CADPS: variants seen among roughly 807,000 people sequenced by gnomAD.
CADPS encodes the protein calcium dependent secretion activator.
CADPS carries 57 observed loss-of-function variants against 167.3 expected under a neutral mutation model. That is an observed-to-expected ratio of 0.34 (90% CI 0.28 to 0.42). The LOEUF is 0.42. CADPS is among the 20% of genes least tolerant of loss of function. The probability of loss-of-function intolerance (pLI) is 1.00; values close to 1 mark genes in which losing one functional copy is unlikely to be tolerated. For synonymous variants in CADPS, 676 were observed against 635.3 expected, an observed-to-expected ratio of 1.06 and a Z score of -0.96; for missense variants, 1,414 against 1,738.1, an observed-to-expected ratio of 0.81 and a Z score of 3.32.
In CADPS at chr3:62,478,014, C is replaced by A; in HGVS notation, c.3329+247G>T. 2.1e-6 allele frequency: 1 copy of A among 465,934 alleles called. No homozygotes were observed. The highest frequency in any genetic ancestry group is 3.3e-5 in the East Asian group (1 of 30,106). The allele number at this position is 465,934 out of a possible 1,614,324, so 28.9% of individuals were successfully genotyped here. On this transcript the variant is annotated intron_variant, in intron 23 of 29. Transcript: ENST00000383710. This position sits in a 1 kb window ranked among gnomAD's most constrained non-coding sequence, Gnocchi z 5.7. ...GATACAAAAAAGAATGGACAGGGAT[C>A]TTTTCCTCTTAAAGCCAACAACCAT...
chr3:62,518,357 G>A (rs2069520380), intron 13 of CADPS, 107 bp from the exon 14 acceptor site: 2 of 780,412 alleles, frequency 2.6e-6, no homozygotes, highest in Non-Finnish European at 2.1e-6. Flanking sequence ...CAACTACAGT[G>A]ATCGATGTGA....
In CADPS at chr3:62,417,286, T is replaced by C. The variant is rs1484963836; in HGVS notation, c.3778-14101A>G. 5.5e-5 allele frequency among the ~76,000 whole-genome samples: 7 copies of C among 128,434 alleles called. No individual in the cohort carries two copies. The East Asian group carries it at 6.7e-4, about 12-fold the overall frequency. 84.3% of individuals were successfully genotyped at this position (128,434 alleles called of 152,430 possible). Reference sequence around the variant, plus strand: ...TATTTTTCTTTTACTCTTTTTTTTTTTTTTTTTTTTTTTTTTTTGAGACTG... The same window carrying C: ...TATTTTTCTTTTACTCTTTTTTTTTCTTTTTTTTTTTTTTTTTTGAGACTG... On this transcript the variant is annotated intron_variant, in intron 28 of 29. Coordinates refer to ENST00000383710, the MANE Select transcript of CADPS (RefSeq NM_003716.4).
chr3:62,543,505 T>C (rs936090117), intron 11 of CADPS, among the ~76,000 whole-genome samples: 1 of 152,140 alleles, frequency 6.6e-6, no homozygotes, highest in East Asian at 1.9e-4. Context: ...CATTCTATGA[T>C]AAGCCTTTTA....
chr3:62,868,569 C>T (rs1360062184), intron 1 of CADPS, among the ~76,000 whole-genome samples: 1 of 152,036 alleles, frequency 6.6e-6, no homozygotes, highest in Non-Finnish European at 1.5e-5. Flanking sequence ...ATTTGAAAAG[C>T]GCTTTGTGGA....
chr3:62,582,570 G>A (rs1039894131), intron 8 of CADPS, among the ~76,000 whole-genome samples: 5 of 152,094 alleles, frequency 3.3e-5, no homozygotes, highest in African/African-American at 9.7e-5. Context: ...GAAAAAAAAT[G>A]TACTCCATAA....
intron 1 of CADPS, among the ~76,000 whole-genome samples, chr3:62,768,770 G>A (rs1339785328): frequency 1.3e-5 from 2 of 152,136 alleles, no homozygotes; most frequent in Non-Finnish European, 2.9e-5. Context: ...TCAGAGAAGA[G>A]AAATTACAGA....
intron 11 of CADPS, among the ~76,000 whole-genome samples, chr3:62,548,475 G>C (rs2076844390): frequency 6.6e-6 from 1 of 152,184 alleles, no homozygotes; most frequent in Non-Finnish European, 1.5e-5. Flanking sequence ...TACTGGACAG[G>C]AATTCCTGGG....
intron 7 of CADPS, 40 bp from the exon 8 acceptor site, chr3:62,585,364 AC>A: frequency 1.3e-6 from 2 of 1,579,932 alleles, no homozygotes; most frequent in Non-Finnish European, 1.7e-6. Flanking sequence ...AAAGAGAAGC[AC>A]CATTATGTTT....
chr3:62,700,472 T>G (rs992171115), intron 3 of CADPS, among the ~76,000 whole-genome samples: 1 of 152,102 alleles, frequency 6.6e-6, no homozygotes, highest in Non-Finnish European at 1.5e-5. Flanking sequence ...AGTAAAATCT[T>G]AGTTCTCATT....
chr3:62,477,406 G>A (rs917489459), intron 23 of CADPS, among the ~76,000 whole-genome samples: 14 of 151,728 alleles, frequency 9.2e-5, no homozygotes, highest in Admixed American at 8.5e-4. Context: ...ACAGAGTGAT[G>A]ATGATGATGT....
chr3:62,556,318 C>T (rs1011275638), intron 10 of CADPS, among the ~76,000 whole-genome samples: 1 of 152,170 alleles, frequency 6.6e-6, no homozygotes, highest in Non-Finnish European at 1.5e-5. Flanking sequence ...TATGAAAGAC[C>T]GAAGGGGTGG....
chr3:62,547,658 T>G (rs1363461387), intron 11 of CADPS, among the ~76,000 whole-genome samples: 1 of 145,908 alleles, frequency 6.9e-6, no homozygotes, highest in African/African-American at 2.6e-5. Flanking sequence ...AGTTCCTTAT[T>G]TCAACTAGAG....
At chr3:62,555,717 T>C (rs1373074789) in intron 10 of CADPS, among the ~76,000 whole-genome samples, 1 of 152,126 alleles carries the variant, frequency 6.6e-6, no homozygotes, top group Non-Finnish European at 1.5e-5. Context: ...AGCGTCCCAT[T>C]TTATGTTTAA....
intron 11 of CADPS, among the ~76,000 whole-genome samples, chr3:62,545,638 C>G (rs1344062516): frequency 1.3e-5 from 2 of 152,020 alleles, no homozygotes; most frequent in Non-Finnish European, 2.9e-5. Flanking sequence ...TTTTACAGTT[C>G]CACATAAATA....
chr3:62,740,203 C>T (rs2079903977), intron 3 of CADPS, among the ~76,000 whole-genome samples: 1 of 152,130 alleles, frequency 6.6e-6, no homozygotes, highest in African/African-American at 2.4e-5. Flanking sequence ...ACGCAGAGGC[C>T]CAGGCTACAG....
chr3:62,525,732 T>A (rs1444912889), intron 13 of CADPS, among the ~76,000 whole-genome samples: 2 of 151,790 alleles, frequency 1.3e-5, no homozygotes, highest in Non-Finnish European at 2.9e-5. Context: ...TGTCTGTGTA[T>A]GCACGGGTAT....
intron 3 of CADPS, among the ~76,000 whole-genome samples, chr3:62,720,792 T>C (rs1195379311): frequency 6.6e-6 from 1 of 151,906 alleles, no homozygotes. Flanking sequence ...ATTCTTTCCA[T>C]ATTGTCCATT....
intron 23 of CADPS, among the ~76,000 whole-genome samples, chr3:62,475,414 C>T (rs1400044230): frequency 6.6e-6 from 1 of 152,124 alleles, no homozygotes; most frequent in East Asian, 1.9e-4. Context: ...GGAGATCATA[C>T]AGCCACCAGG....
chr3:62,472,271 G>T (rs2060718205), intron 24 of CADPS, among the ~76,000 whole-genome samples: 1 of 152,144 alleles, frequency 6.6e-6, no homozygotes, highest in Non-Finnish European at 1.5e-5. Flanking sequence ...ATTGACCGTG[G>T]TGATGACTGC....
Sources: allele counts gnomAD v4.1 joint callset (sites outside exome capture counted in the v4.1 genomes callset), GRCh38; gene constraint gnomAD v4.1.1; non-coding constraint Gnocchi (gnomAD v3.1); transcripts MANE v1.5; gene names NCBI Gene and HGNC (gene_info 2026-07-23, HGNC 2026-07-21).